STAG1: variants seen among roughly 807,000 people sequenced by gnomAD.
STAG1 encodes the protein STAG1 cohesin complex component, also known as cohesin subunit SA-1.
Under a neutral mutation model 170.9 loss-of-function variants are expected in STAG1, and 26 were observed. The ratio of observed to expected loss-of-function variants is 0.15; its 90% CI spans 0.11 to 0.21. STAG1 has a LOEUF of 0.21. STAG1 is among the 10% of genes least tolerant of loss of function. The probability of loss-of-function intolerance (pLI) is 1.00; values close to 1 mark genes in which losing one functional copy is unlikely to be tolerated. For missense variants in STAG1, 964 were observed against 1,509.5 expected (o/e 0.64, Z 5.99); for synonymous variants, 514 against 497.7 (o/e 1.03, Z -0.44).
At chr3:136,691,152 T>C (rs1266144784) in intron 1 of STAG1, among the ~76,000 whole-genome samples, 1 of 150,970 alleles carries the variant, frequency 6.6e-6, no homozygotes, top group African/African-American at 2.4e-5. Context: ...ACAAAAAAAA[T>C]TGTTTGGGCG....
intron 9 of STAG1, among the ~76,000 whole-genome samples, chr3:136,490,252 G>C (rs1347738001): frequency 6.6e-6 from 1 of 152,040 alleles, no homozygotes; most frequent in Non-Finnish European, 1.5e-5. Context: ...TGTTGGCTAG[G>C]CTGGTCTCGA....
At chr3:136,533,877 CAA>C (rs1266624147) in intron 6 of STAG1, among the ~76,000 whole-genome samples, 1 of 152,154 alleles carries the variant, frequency 6.6e-6, no homozygotes, top group East Asian at 1.9e-4. Flanking sequence ...ACAGAAAAAA[CAA>C]TCCTAAAGTG....
chr3:136,429,173 G>A (rs1381766545), intron 16 of STAG1, among the ~76,000 whole-genome samples: 2 of 150,388 alleles, frequency 1.3e-5, no homozygotes, highest in Admixed American at 1.3e-4. Context: ...TTGGGAGGCC[G>A]AAACGGGTGG....
chr3:136,378,062 C>G (rs1937705782), intron 22 of STAG1, among the ~76,000 whole-genome samples: 1 of 152,148 alleles, frequency 6.6e-6, no homozygotes, highest in Admixed American at 6.5e-5. Flanking sequence ...TCCTGTGACA[C>G]ACATTACTGC....
chr3:136,522,824 T>G (rs969889871), intron 6 of STAG1, among the ~76,000 whole-genome samples: 2 of 150,462 alleles, frequency 1.3e-5, no homozygotes, highest in Non-Finnish European at 3.0e-5. Context: ...CAGTGTTTGG[T>G]TTTTTGTCCT....
At position 136,350,276 on chromosome 3, in the gene STAG1, C is replaced by T. The variant is rs151009791; in HGVS notation, c.3066-913G>A. Among the ~76,000 whole-genome samples, 262 of 152,288 alleles carry T rather than the reference C, an allele frequency of 1.7e-3. 1 individual carries two copies. The highest frequency in any genetic ancestry group is 5.9e-3 in the African/African-American group (246 of 41,552). ...TATATTTTAGAAACTCTATCTAGTC[C>T]AGGCAGGTGGCCAAGAAGATGGGGG... On this transcript the variant is annotated intron_variant, in intron 28 of 33. Coordinates refer to ENST00000383202, the MANE Select transcript of STAG1 (RefSeq NM_005862.3).
intron 21 of STAG1, among the ~76,000 whole-genome samples, chr3:136,404,972 C>T (rs1053675260): frequency 6.6e-6 from 1 of 151,920 alleles, no homozygotes; most frequent in African/African-American, 2.4e-5. Context: ...AATCTGGGCT[C>T]TTCTATTTTT....
At chr3:136,740,284 A>G (rs1476248423) in intron 1 of STAG1, among the ~76,000 whole-genome samples, 3 of 152,184 alleles carry the variant, frequency 2.0e-5, no homozygotes, top group Non-Finnish European at 4.4e-5. Context: ...CCATGTAATT[A>G]TTACTAAGGT....
Position 136,739,519 on chromosome 3 carries a change from AG to A in STAG1, c.-84+12675del, listed in dbSNP as rs1327176564. On this transcript the variant is annotated intron_variant, in intron 1 of 33. Coordinates refer to ENST00000383202, the MANE Select transcript of STAG1 (RefSeq NM_005862.3). ...AGACTCCGTCAAAAAAAAAAAAAAA[AG>A]AAAAAAAAAAAAAGAAAGGCTAGGT... 5.7e-4 allele frequency among the ~76,000 whole-genome samples: 84 copies of A among 147,582 alleles called. 1 individual carries two copies. The highest frequency in any genetic ancestry group is 2.6e-3 in the South Asian group (12 of 4,660).
At chr3:136,665,249 A>G (rs1941717115) in intron 1 of STAG1, among the ~76,000 whole-genome samples, 1 of 152,178 alleles carries the variant, frequency 6.6e-6, no homozygotes, top group South Asian at 2.1e-4. Context: ...CTGTTATACA[A>G]TGAGATCTTT....
At chr3:136,744,119 G>C (rs1934814185) in intron 1 of STAG1, among the ~76,000 whole-genome samples, 1 of 152,222 alleles carries the variant, frequency 6.6e-6, no homozygotes, top group Non-Finnish European at 1.5e-5. Context: ...CCTGAAGTCA[G>C]GAGTTCTAGA....
At chr3:136,745,851 C>T (rs1934909907) in intron 1 of STAG1, among the ~76,000 whole-genome samples, 1 of 152,154 alleles carries the variant, frequency 6.6e-6, no homozygotes, top group African/African-American at 2.4e-5. Context: ...ACAAAACAAA[C>T]CTCATAATGT....
chr3:136,375,615 A>G (rs1937552782), intron 23 of STAG1, among the ~76,000 whole-genome samples: 1 of 152,136 alleles, frequency 6.6e-6, no homozygotes, highest in African/African-American at 2.4e-5. Flanking sequence ...TTTAACCAGC[A>G]GGCCATAGTT....
chr3:136,375,053 A>T (rs1181904332), intron 23 of STAG1, among the ~76,000 whole-genome samples: 1 of 152,200 alleles, frequency 6.6e-6, no homozygotes, highest in African/African-American at 2.4e-5. Flanking sequence ...CATACCATAG[A>T]GCATAGGCAT....
intron 21 of STAG1, among the ~76,000 whole-genome samples, chr3:136,415,779 G>A (rs906358343): frequency 6.6e-6 from 1 of 152,124 alleles, no homozygotes; most frequent in Non-Finnish European, 1.5e-5. Context: ...CTGAGACCAC[G>A]CCACTGTACT....
intron 6 of STAG1, among the ~76,000 whole-genome samples, chr3:136,526,042 T>C (rs902503647): frequency 2.0e-5 from 3 of 152,224 alleles, no homozygotes; most frequent in Non-Finnish European, 4.4e-5. Flanking sequence ...GGAATAAGTA[T>C]GACGTGGTGC....
intron 1 of STAG1, among the ~76,000 whole-genome samples, chr3:136,729,044 G>A (rs777655551): frequency 2.0e-5 from 3 of 152,162 alleles, no homozygotes; most frequent in Admixed American, 6.5e-5. Flanking sequence ...TGAAAGGCAC[G>A]ATCTTGGCTC....
At chr3:136,525,052 T>C (rs1484428122) in intron 6 of STAG1, among the ~76,000 whole-genome samples, 4 of 152,208 alleles carry the variant, frequency 2.6e-5, no homozygotes, top group Non-Finnish European at 4.4e-5. Context: ...TGATCTAAAG[T>C]TCTCTTTTTT....
At chr3:136,668,446 T>C (rs28690429) in intron 1 of STAG1, among the ~76,000 whole-genome samples, 1 of 147,010 alleles carries the variant, frequency 6.8e-6, no homozygotes, top group Non-Finnish European at 1.5e-5. Flanking sequence ...ATTATATTTA[T>C]ATTTATATAT....
Sources: gnomAD v4.1 joint callset for allele counts (sites outside exome capture counted in the v4.1 genomes callset) on GRCh38, gnomAD v4.1.1 for gene constraint, MANE v1.5 for transcripts, NCBI Gene and HGNC (gene_info 2026-07-23, HGNC 2026-07-21) for gene names.